The following TMEM161B variants were observed in gnomAD, a reference collection of about 807,000 sequenced individuals.
TMEM161B encodes the protein transmembrane protein 161B.
Under a neutral mutation model 61.8 loss-of-function variants are expected in TMEM161B, and 34 were observed. The observed-to-expected ratio is 0.55, with a 90% CI of 0.42 to 0.73. The LOEUF (loss-of-function observed/expected upper bound fraction) is 0.73, where lower values mean the gene tolerates loss of function less well. Ranked by LOEUF, TMEM161B falls within the 30% of genes least tolerant of loss-of-function variation. The probability of loss-of-function intolerance (pLI) is 0.00; values close to 1 mark genes in which losing one functional copy is unlikely to be tolerated. For synonymous variants in TMEM161B, 167 were observed against 192.8 expected (o/e 0.87, Z 1.11); for missense variants, 456 against 558.5 (o/e 0.82, Z 1.85).
intron 1 of TMEM161B, among the ~76,000 whole-genome samples, chr5:88,245,595 T>C (rs944969841): frequency 6.6e-6 from 1 of 151,974 alleles, no homozygotes; most frequent in Admixed American, 6.6e-5. Context: ...TTATTAAAAG[T>C]ATATGATTTC....
chr5:88,268,471 G>A (rs1030559348), intron 1 of TMEM161B, among the ~76,000 whole-genome samples: 1 of 152,170 alleles, frequency 6.6e-6, no homozygotes. Flanking sequence ...GAACAGGCAG[G>A]CTACCCAGTC....
At chr5:88,215,360 A>G (rs1747634406) in intron 5 of TMEM161B, among the ~76,000 whole-genome samples, 1 of 152,218 alleles carries the variant, frequency 6.6e-6, no homozygotes, top group Non-Finnish European at 1.5e-5. Flanking sequence ...AAAACAGGTT[A>G]TGTTATAACT....
chr5:88,195,947 T>C lies in TMEM161B; in HGVS notation c.*264A>G, dbSNP rs1749552318. On this transcript the variant is annotated 3_prime_UTR_variant, in exon 12 of 12. Coordinates refer to ENST00000296595, the MANE Select transcript of TMEM161B (RefSeq NM_153354.5). ...CCAGGGTAATCAGAAATATTACCCT[T>C]GTAGATAGCCCTCTCATACCAGTAA... is the stretch of plus-strand genomic sequence containing the variant. The C allele has an allele frequency of 8.4e-7, 1 of 1,197,246 alleles. No individual in the cohort carries two copies. The highest frequency in any genetic ancestry group is 4.8e-5 in the East Asian group (1 of 21,012). The allele number at this position is 1,197,246 out of a possible 1,614,324, so 74.2% of individuals were successfully genotyped here. A position where few individuals can be genotyped will look rare whatever the true frequency, so the allele number is the denominator to read the frequency against.
At position 88,240,900 on chromosome 5, in the gene TMEM161B, T is replaced by C; in HGVS notation, c.20A>G (p.Gln7Arg). The C allele has an allele frequency of 6.2e-7, 1 of 1,604,372 alleles. No individual in the cohort carries two copies. The highest frequency in any genetic ancestry group is 8.5e-7 in the Non-Finnish European group (1 of 1,175,258). The change falls in exon 2 of 12, where the codon CAG (glutamine) becomes CGG (arginine). Residue 7 changes from glutamine to arginine, a missense_variant. Transcript: ENST00000296595. MGVIGIQLVVTMVMASV... is the reference protein window; with the variant it reads MGVIGIRLVVTMVMASV... The stretch of plus-strand genomic sequence containing the variant: ...GGCCATCACCATGGTAACAACCAGC[T>C]GTATACCTATCACACCCTGTGTAAA...
At position 88,200,368 on chromosome 5, in the gene TMEM161B, A is replaced by G. The variant is rs1468193277; in HGVS notation, c.915-1218T>C. 5 of 152,206 alleles carry G rather than the reference A, an allele frequency of 3.3e-5. No homozygotes were observed. In the South Asian group the frequency reaches 8.3e-4, roughly 25 times the overall value. 9.4% of individuals were successfully genotyped at this position (152,206 alleles called of 1,614,324 possible). Reference sequence around the variant, plus strand: ...TGAGATTTAGGAGCCATCATGTGAGAGTAACAGTACGTAAGACACAAGCCT... The same window carrying G: ...TGAGATTTAGGAGCCATCATGTGAGGGTAACAGTACGTAAGACACAAGCCT... On this transcript the variant is annotated intron_variant, in intron 9 of 11. Coordinates refer to ENST00000296595, the MANE Select transcript of TMEM161B (RefSeq NM_153354.5).
chr5:88,215,287 AAAAC>A (rs1468779780), intron 5 of TMEM161B, among the ~76,000 whole-genome samples: 1 of 152,210 alleles, frequency 6.6e-6, no homozygotes, highest in Non-Finnish European at 1.5e-5. Context: ...ATACAATAAG[AAAAC>A]AAAGAGAAGC....
intron 5 of TMEM161B, 82 bp downstream of exon 5, chr5:88,220,481 T>C: frequency 8.6e-7 from 1 of 1,167,548 alleles, no homozygotes; most frequent in South Asian, 2.6e-5. Flanking sequence ...TCTAATGACA[T>C]AAAATCTTTC....
At chr5:88,240,204 C>A (rs566248852) in intron 2 of TMEM161B, among the ~76,000 whole-genome samples, 1 of 151,848 alleles carries the variant, frequency 6.6e-6, no homozygotes, top group African/African-American at 2.4e-5. Flanking sequence ...ATAACTTTAT[C>A]CCCCTCCTTG....
At chr5:88,219,034 T>C (rs573988012) in intron 5 of TMEM161B, among the ~76,000 whole-genome samples, 4 of 152,224 alleles carry the variant, frequency 2.6e-5, no homozygotes, top group South Asian at 2.1e-4. Flanking sequence ...ACCAGGGGCA[T>C]AGGTGCACAT....
At chr5:88,248,887 T>G (rs1753967217) in intron 1 of TMEM161B, among the ~76,000 whole-genome samples, 1 of 152,110 alleles carries the variant, frequency 6.6e-6, no homozygotes, top group Admixed American at 6.6e-5. Context: ...TTTACCACAC[T>G]CTAGCCAGGA....
chr5:88,258,813 G>T (rs537542567), intron 1 of TMEM161B, among the ~76,000 whole-genome samples: 1 of 152,158 alleles, frequency 6.6e-6, no homozygotes, highest in African/African-American at 2.4e-5. Flanking sequence ...CCAGGTAAAA[G>T]ATAACAAAAA....
At chr5:88,220,485 ATCTT>A (rs1431948725) in intron 5 of TMEM161B, 74 bp downstream of exon 5, 2 of 1,192,074 alleles carry the variant, frequency 1.7e-6, no homozygotes, top group East Asian at 2.9e-5. Context: ...ATGACATAAA[ATCTT>A]TCTCAAATCA....
At chr5:88,225,196 T>C (rs1461286781) in intron 4 of TMEM161B, among the ~76,000 whole-genome samples, 4 of 152,114 alleles carry the variant, frequency 2.6e-5, no homozygotes, top group African/African-American at 9.7e-5. Flanking sequence ...CTCGATCTCC[T>C]GACCTCATGA....
chr5:88,189,883 T>C (rs1748609411), exon 13 of TMEM161B: 2 of 588,488 alleles, frequency 3.4e-6, no homozygotes, highest in African/African-American at 1.9e-5. Context: ...CTATTTTTGA[T>C]AGTCTGATTC....
intron 4 of TMEM161B, among the ~76,000 whole-genome samples, chr5:88,224,553 C>A (rs577404387): frequency 6.6e-6 from 1 of 152,096 alleles, no homozygotes; most frequent in African/African-American, 2.4e-5. Context: ...GAAAGTAAAT[C>A]CTGAATAAGT....
intron 1 of TMEM161B, among the ~76,000 whole-genome samples, chr5:88,252,337 G>A (rs1476029095): frequency 6.6e-6 from 1 of 152,108 alleles, no homozygotes; most frequent in East Asian, 1.9e-4. Flanking sequence ...CCAAGAGAAG[G>A]TATTTAGCTG....
chr5:88,240,973 G>T, intron 1 of TMEM161B, 57 bp from the exon 2 acceptor site: 2 of 1,220,612 alleles, frequency 1.6e-6, no homozygotes, highest in Non-Finnish European at 2.3e-6. Flanking sequence ...TGGGGACATT[G>T]CTGGAAAACT....
chr5:88,232,199 G>A (rs551224769), intron 2 of TMEM161B, among the ~76,000 whole-genome samples: 6 of 152,192 alleles, frequency 3.9e-5, no homozygotes, highest in Middle Eastern at 3.4e-3. Context: ...TATGACAGCC[G>A]AAACAATAAG....
intron 1 of TMEM161B, among the ~76,000 whole-genome samples, chr5:88,249,175 C>T (rs1249729272): frequency 6.6e-6 from 1 of 152,022 alleles, no homozygotes; most frequent in East Asian, 1.9e-4. Flanking sequence ...AGAAAGAAAG[C>T]AGGAAATGGA....
Sources: allele counts gnomAD v4.1 joint callset (sites outside exome capture counted in the v4.1 genomes callset), GRCh38; gene constraint gnomAD v4.1.1; transcripts MANE v1.5; gene names NCBI Gene and HGNC (gene_info 2026-07-23, HGNC 2026-07-21).